Variants in ANKS1B observed in about 807,000 individuals in gnomAD.
The protein encoded by ANKS1B is ankyrin repeat and sterile alpha motif domain-containing protein 1B.
A neutral mutation model predicts 148.3 loss-of-function variants in ANKS1B; 36 were observed. That is an observed-to-expected ratio of 0.24 (90% CI 0.19 to 0.32). The LOEUF (loss-of-function observed/expected upper bound fraction) is 0.32. Among genes scored for constraint, ANKS1B ranks in the 10% least tolerant of loss-of-function variants. The pLI, the probability that ANKS1B is intolerant of heterozygous loss-of-function variation, is 1.00. For missense variants in ANKS1B, 1,157 were observed against 1,542.6 expected (o/e 0.75, Z 4.19); for synonymous variants, 542 against 560.8 (o/e 0.97, Z 0.47).
rs1409743265 is a variant in ANKS1B at position 99,277,994 on chromosome 12, C to T, written c.1757-31130G>A. Among the ~76,000 whole-genome samples, 4 of 152,208 alleles carry T rather than the reference C, an allele frequency of 2.6e-5. No individual in the cohort carries two copies. The East Asian group carries it at 5.8e-4, about 22-fold the overall frequency. On this transcript the variant is annotated intron_variant, in intron 12 of 26. Coordinates refer to ENST00000683438, the MANE Select transcript of ANKS1B (RefSeq NM_001352186.2). ...GCAAACTGATGAAAGTGATAATCCA[C>T]AGACCTAATTCTACATTTTAAGAGA...
At chr12:99,034,024 G>A (rs1045972490) in intron 17 of ANKS1B, among the ~76,000 whole-genome samples, 4 of 152,214 alleles carry the variant, frequency 2.6e-5, no homozygotes, top group African/African-American at 9.6e-5. Flanking sequence ...ATTGGCAGGT[G>A]CGAAAGGGAA....
chr12:99,451,541 G>A (rs1314171059), intron 10 of ANKS1B, among the ~76,000 whole-genome samples: 1 of 152,192 alleles, frequency 6.6e-6, no homozygotes, highest in East Asian at 1.9e-4. Flanking sequence ...TTGGAAGCAG[G>A]TTGAGCAAAA....
chr12:99,355,306 C>T (rs2152405126), intron 12 of ANKS1B, among the ~76,000 whole-genome samples: 1 of 152,156 alleles, frequency 6.6e-6, no homozygotes, highest in East Asian at 1.9e-4. Context: ...ATTTCCTTGG[C>T]TTTGATGCTA....
chr12:99,384,211 T>A (rs2093765581), intron 12 of ANKS1B, among the ~76,000 whole-genome samples: 1 of 152,214 alleles, frequency 6.6e-6, no homozygotes, highest in Admixed American at 6.5e-5. Flanking sequence ...TAAAAAAGCC[T>A]GGAATCCTTG....
chr12:99,449,936 TATCTATCTATCTAGAC>T (rs1018538332), intron 10 of ANKS1B, among the ~76,000 whole-genome samples: 2 of 143,514 alleles, frequency 1.4e-5, no homozygotes, highest in African/African-American at 5.3e-5. Flanking sequence ...TCTATCTATC[TATCTATCTATCTAGAC>T]AAAGATTTAC....
At chr12:99,585,079 A>G (rs2097616243) in intron 9 of ANKS1B, among the ~76,000 whole-genome samples, 1 of 152,106 alleles carries the variant, frequency 6.6e-6, no homozygotes, top group Non-Finnish European at 1.5e-5. Flanking sequence ...CATTAACTCA[A>G]AAGTCCACAG....
At chr12:99,586,159 A>G (rs2097637339) in intron 9 of ANKS1B, among the ~76,000 whole-genome samples, 1 of 152,190 alleles carries the variant, frequency 6.6e-6, no homozygotes, top group African/African-American at 2.4e-5. Context: ...CTGTGAATAT[A>G]TAAAACTGAA....
chr12:99,235,568 AG>A (rs2087746738), intron 14 of ANKS1B, among the ~76,000 whole-genome samples: 1 of 152,212 alleles, frequency 6.6e-6, no homozygotes, highest in Admixed American at 6.5e-5. Flanking sequence ...ATATGTTGCT[AG>A]GCTGGTTCGT....
chr12:99,290,483 T>A (rs2079809631), intron 12 of ANKS1B, among the ~76,000 whole-genome samples: 1 of 151,888 alleles, frequency 6.6e-6, no homozygotes, highest in African/African-American at 2.4e-5. Context: ...CAGGCCATTA[T>A]CCCTGATGAA....
intron 1 of ANKS1B, among the ~76,000 whole-genome samples, chr12:99,973,466 G>T (rs190592380): frequency 6.6e-6 from 1 of 152,322 alleles, no homozygotes; most frequent in Non-Finnish European, 1.5e-5. Flanking sequence ...TGTGGTCCCA[G>T]CTACACAGGA....
At chr12:98,985,119 T>C (rs1026849714) in intron 17 of ANKS1B, among the ~76,000 whole-genome samples, 11 of 152,198 alleles carry the variant, frequency 7.2e-5, no homozygotes, top group African/African-American at 2.7e-4. Flanking sequence ...TTATTTTATT[T>C]ATTATTTTAT....
At chr12:99,544,100 A>G (rs1297077082) in intron 9 of ANKS1B, among the ~76,000 whole-genome samples, 1 of 152,114 alleles carries the variant, frequency 6.6e-6, no homozygotes, top group Admixed American at 6.6e-5. Context: ...TGTGTGTTGT[A>G]AGAAAAAGAA....
At chr12:99,839,756 T>C (rs2085412213) in intron 1 of ANKS1B, among the ~76,000 whole-genome samples, 1 of 152,152 alleles carries the variant, frequency 6.6e-6, no homozygotes, top group Non-Finnish European at 1.5e-5. Context: ...TGAAGTACCT[T>C]GGTTCAGGTC....
chr12:99,843,658 T>G (rs1212006475), intron 1 of ANKS1B, among the ~76,000 whole-genome samples: 1 of 152,158 alleles, frequency 6.6e-6, no homozygotes, highest in East Asian at 1.9e-4. Flanking sequence ...AGTCTATCAT[T>G]GATGGGCATT....
At chr12:98,937,499 A>G (rs1363588715) in intron 17 of ANKS1B, among the ~76,000 whole-genome samples, 1 of 152,008 alleles carries the variant, frequency 6.6e-6, no homozygotes, top group Non-Finnish European at 1.5e-5. Flanking sequence ...CTTTGCTTAT[A>G]CTACTCTTTT....
chr12:99,585,378 G>A (rs939285939), intron 9 of ANKS1B, among the ~76,000 whole-genome samples: 7 of 152,224 alleles, frequency 4.6e-5, no homozygotes, highest in Non-Finnish European at 7.4e-5. Flanking sequence ...GGACAGCTCC[G>A]CCCCTGTGGT....
intron 17 of ANKS1B, among the ~76,000 whole-genome samples, chr12:99,018,056 C>A (rs2099943625): frequency 6.6e-6 from 1 of 152,140 alleles, no homozygotes; most frequent in Non-Finnish European, 1.5e-5. Flanking sequence ...CTCGATAAAC[C>A]TTGATGACTG....
intron 9 of ANKS1B, among the ~76,000 whole-genome samples, chr12:99,514,211 G>T (rs1304120550): frequency 6.6e-6 from 1 of 151,970 alleles, no homozygotes; most frequent in Non-Finnish European, 1.5e-5. Context: ...AGGACTCTAT[G>T]AATATATGAT....
chr12:99,050,988 C>A (rs118031277), intron 17 of ANKS1B, among the ~76,000 whole-genome samples: 2 of 152,072 alleles, frequency 1.3e-5, no homozygotes, highest in African/African-American at 2.4e-5. Flanking sequence ...TGAACCACCA[C>A]GCCTGACTAG....
Sources: gnomAD v4.1 joint callset for allele counts (sites outside exome capture counted in the v4.1 genomes callset) on GRCh38, gnomAD v4.1.1 for gene constraint, MANE v1.5 for transcripts, NCBI Gene and HGNC (gene_info 2026-07-23, HGNC 2026-07-21) for gene names.